Variants in NUCB2 observed in about 807,000 individuals in gnomAD.
NUCB2 encodes nucleobindin-2.
In NUCB2, 48 loss-of-function variants were observed where a neutral mutation model predicts 57.9. The observed-to-expected ratio is 0.83, with a 90% CI of 0.66 to 1.05. The LOEUF (loss-of-function observed/expected upper bound fraction) is 1.05. Among genes scored for constraint, NUCB2 ranks in the 50% least tolerant of loss-of-function variants. The probability of loss-of-function intolerance (pLI) is 0.00; values close to 1 mark genes in which losing one functional copy is unlikely to be tolerated. For missense variants in NUCB2, 442 were observed against 476.2 expected (o/e 0.93, Z 0.67); for synonymous variants, 139 against 152.1 (o/e 0.91, Z 0.64).
chr11:17,303,027 C>T (rs544963185), intron 5 of NUCB2, among the ~76,000 whole-genome samples: 3 of 152,186 alleles, frequency 2.0e-5, no homozygotes, highest in East Asian at 1.9e-4. Context: ...CGTGAGCCAC[C>T]GCACCCGGCC....
chr11:17,312,521 G>C (rs1948650115), intron 10 of NUCB2, among the ~76,000 whole-genome samples: 1 of 151,654 alleles, frequency 6.6e-6, no homozygotes. Context: ...CTCTGCCTCA[G>C]CCTCCTGAGT....
At chr11:17,307,142 G>C (rs1340278967) in intron 5 of NUCB2, among the ~76,000 whole-genome samples, 1 of 151,812 alleles carries the variant, frequency 6.6e-6, no homozygotes, top group Admixed American at 6.6e-5. Flanking sequence ...GAGCTCAAGC[G>C]ATCCAACTGC....
Position 17,278,434 on chromosome 11 carries a change from C to T in NUCB2, c.-156+1606C>T, listed in dbSNP as rs1038405441. On this transcript the variant is annotated intron_variant, in intron 1 of 13. Transcript: ENST00000529010. ...TCAGGTGATCCACTTGCCTTGGCCTCCCAAAGTGCTGAGATTACAGGTGTG... is the reference window on the plus strand; with the variant it reads ...TCAGGTGATCCACTTGCCTTGGCCTTCCAAAGTGCTGAGATTACAGGTGTG... 7 of 152,100 alleles carry T rather than the reference C, an allele frequency of 4.6e-5. 1 individual carries two copies. Among genetic ancestry groups the T allele is most frequent in the African/African-American group, 1.7e-4 (7 of 41,406 alleles). 9.4% of individuals were successfully genotyped at this position (152,100 alleles called of 1,614,324 possible).
At position 17,288,552 on chromosome 11, in the gene NUCB2, C is replaced by CTTCTTTTTTTTTTT. The variant is rs1375589442; in HGVS notation, c.-1+5611_-1+5612insCTTTTTTTTTTTTT. Among the ~76,000 whole-genome samples the CTTCTTTTTTTTTTT allele has an allele frequency of 1.8e-3, 179 of 101,158 alleles. 6 individuals carry two copies. Among genetic ancestry groups the CTTCTTTTTTTTTTT allele is most frequent in the African/African-American group, 7.0e-3 (158 of 22,730 alleles). 66.4% of individuals were successfully genotyped at this position (101,158 alleles called of 152,430 possible). A position where few individuals can be genotyped will look rare whatever the true frequency, so the allele number is the denominator to read the frequency against. ...TCTTTTTCTTCTTCTTCTTCTTCTT[C>CTTCTTTTTTTTTTT]TTTTTTTTTTTTTTTTGAGACAGTC... On this transcript the variant is annotated intron_variant, in intron 2 of 13. Transcript: ENST00000529010.
intron 2 of NUCB2, among the ~76,000 whole-genome samples, chr11:17,343,355 AT>A (rs1952450311): frequency 6.6e-6 from 1 of 152,230 alleles, no homozygotes; most frequent in African/African-American, 2.4e-5. Flanking sequence ...CCCATGAATC[AT>A]TGCATTTAAC....
chr11:17,336,647 G>A (rs1176157839), downstream of NUCB2, among the ~76,000 whole-genome samples: 3 of 149,858 alleles, frequency 2.0e-5, no homozygotes, highest in Non-Finnish European at 4.4e-5. Context: ...CCAGCTACTC[G>A]GGAGGCTGGG....
intron 2 of NUCB2, among the ~76,000 whole-genome samples, chr11:17,293,612 A>G (rs1945315899): frequency 6.6e-6 from 1 of 152,254 alleles, no homozygotes; most frequent in Non-Finnish European, 1.5e-5. Context: ...CTGAAGTATT[A>G]TTCAAAACTG....
intron 13 of NUCB2, 36 bp from the exon 14 acceptor site, chr11:17,331,376 C>G (rs746488648): frequency 1.5e-6 from 2 of 1,306,888 alleles, no homozygotes; most frequent in Non-Finnish European, 1.0e-6. Context: ...AAGGAAGATA[C>G]TTTTAAAATA....
chr11:17,333,758 G>A (rs536679178), downstream of NUCB2: 1 of 152,206 alleles, frequency 6.6e-6, no homozygotes, highest in Non-Finnish European at 1.5e-5. Context: ...CTCCCTCAGA[G>A]CCTTTACTTA....
At chr11:17,295,178 AAT>A in intron 2 of NUCB2, 144 bp from the exon 3 acceptor site, 1 of 586,042 alleles carries the variant, frequency 1.7e-6, no homozygotes, top group East Asian at 3.3e-5. Flanking sequence ...GACAAGTTTT[AAT>A]CTATTCTTTC....
intron 4 of NUCB2, among the ~76,000 whole-genome samples, chr11:17,301,434 C>T (rs1417479801): frequency 2.0e-5 from 3 of 151,648 alleles, no homozygotes; most frequent in African/African-American, 7.3e-5. Flanking sequence ...CGTGTGTCAC[C>T]ATGCCCAGCT....
intron 11 of NUCB2, among the ~76,000 whole-genome samples, chr11:17,327,559 ATAT>A (rs1950850944): frequency 6.6e-6 from 1 of 152,088 alleles, no homozygotes; most frequent in African/African-American, 2.4e-5. Flanking sequence ...TAAAACTCCT[ATAT>A]TTGCCGTTTT....
At chr11:17,320,191 A>G (rs1471492426) in intron 11 of NUCB2, among the ~76,000 whole-genome samples, 1 of 152,168 alleles carries the variant, frequency 6.6e-6, no homozygotes, top group Non-Finnish European at 1.5e-5. Flanking sequence ...TAGTGCTGCA[A>G]TGAACATATG....
intron 5 of NUCB2, among the ~76,000 whole-genome samples, 188 bp downstream of exon 5, chr11:17,302,058 C>T (rs1202368888): frequency 6.6e-6 from 1 of 152,056 alleles, no homozygotes; most frequent in East Asian, 1.9e-4. Context: ...TGCCACCATG[C>T]CTGGCTAATT....
chr11:17,330,126 G>C lies in NUCB2; in HGVS notation c.1003-1G>C. ...TTCTTTCCTCATTTTTTTTCTTTTA[G>C]ACATTAGATCAGCAACAGTTCTTCA... On this transcript the variant is annotated splice_acceptor_variant, in intron 11 of 13. Transcript: ENST00000529010. LOFTEE classifies it high-confidence loss of function. This position sits in a 1 kb window ranked among gnomAD's most constrained non-coding sequence, Gnocchi z 4.3. 7.0e-7 allele frequency: 1 copy of C among 1,426,650 alleles called. No individual in the cohort carries two copies. The allele number at this position is 1,426,650 out of a possible 1,614,324, so 88.4% of individuals were successfully genotyped here.
At chr11:17,338,437 C>T (rs185033066) in intron 2 of NUCB2, among the ~76,000 whole-genome samples, 86 of 152,172 alleles carry the variant, frequency 5.7e-4, no homozygotes, top group African/African-American at 1.9e-3. Flanking sequence ...GCTCTGCATG[C>T]CTGTGTCAAC....
chr11:17,300,450 A>G (rs933601844), intron 4 of NUCB2, among the ~76,000 whole-genome samples: 6 of 151,944 alleles, frequency 3.9e-5, no homozygotes, highest in Admixed American at 2.0e-4. Flanking sequence ...CCTTTCCCCA[A>G]CCACAGCAAA....
chr11:17,336,709 G>C (rs113880886), downstream of NUCB2, among the ~76,000 whole-genome samples: 16,339 of 125,422 alleles, frequency 0.13, 2,051 homozygotes, highest in African/African-American at 0.35. Flanking sequence ...AGCCGAGATC[G>C]CGCCACTGCA....
intron 5 of NUCB2, among the ~76,000 whole-genome samples, chr11:17,306,826 C>A (rs914190166): frequency 6.6e-6 from 1 of 151,394 alleles, no homozygotes; most frequent in African/African-American, 2.4e-5. Flanking sequence ...GAAGGAGAAT[C>A]GCTTGAACAC....
Sources: gnomAD v4.1 joint callset for allele counts (sites outside exome capture counted in the v4.1 genomes callset) on GRCh38, gnomAD v4.1.1 for gene constraint, Gnocchi (gnomAD v3.1) non-coding constraint, MANE v1.5 for transcripts, NCBI Gene and HGNC (gene_info 2026-07-23, HGNC 2026-07-21) for gene names.